Variants in ACTMAP observed in about 807,000 individuals in gnomAD.
ACTMAP encodes the protein UPF0692 protein C19orf54.
chr19:40,745,256 G>T, the ACTMAP span: 1 of 1,526,322 alleles, frequency 6.6e-7, no homozygotes, highest in Non-Finnish European at 8.9e-7. Flanking sequence ...CCCCTACCCT[G>T]AGGTCTGGCT....
At chr19:40,749,334 C>T in the ACTMAP span, 10 of 808,430 alleles carry the variant, frequency 1.2e-5, no homozygotes, top group African/African-American at 8.9e-5. Context: ...TTGCTGGAGG[C>T]ACACCACCAT....
chr19:40,742,046 C>T, the ACTMAP span: 156 of 477,938 alleles, frequency 3.3e-4, no homozygotes, highest in African/African-American at 2.6e-3. Flanking sequence ...GCCAGTATGA[C>T]TAGTAGGTGG....
the ACTMAP span, chr19:40,750,056 TGGTACCGGTTG>T: frequency 2.5e-6 from 1 of 397,676 alleles, no homozygotes; most frequent in East Asian, 4.2e-5. Flanking sequence ...ACCGGATCTG[TGGTACCGGTTG>T]GGTTACCTCG....
At chr19:40,742,816 C>T in the ACTMAP span, 22 of 1,537,230 alleles carry the variant, frequency 1.4e-5, no homozygotes, top group African/African-American at 2.7e-5. Flanking sequence ...TGAGCCAGGA[C>T]CAGGTGCTGG....
the ACTMAP span, chr19:40,742,474 C>A: frequency 6.8e-7 from 1 of 1,475,948 alleles, no homozygotes; most frequent in Non-Finnish European, 9.0e-7. Flanking sequence ...AGGGCCTGGC[C>A]ACAGAGGCCA....
the ACTMAP span, among the ~76,000 whole-genome samples, chr19:40,748,184 C>T: frequency 3.3e-5 from 5 of 152,082 alleles, no homozygotes; most frequent in East Asian, 1.9e-4. Flanking sequence ...TGTCCGGAGG[C>T]CAGGCCCAGT....
At chr19:40,744,776 G>T in the ACTMAP span, 1 of 1,465,886 alleles carries the variant, frequency 6.8e-7, no homozygotes. Flanking sequence ...CCCTGGAGGA[G>T]TCCCCCTCCC....
At chr19:40,749,093 C>T in the ACTMAP span, among the ~76,000 whole-genome samples, 3 of 149,870 alleles carry the variant, frequency 2.0e-5, no homozygotes, top group Admixed American at 1.4e-4. Context: ...AGGGTTCAAG[C>T]GATTCTCCCG....
the ACTMAP span, chr19:40,741,650 A>G: frequency 2.2e-6 from 1 of 446,980 alleles, no homozygotes; most frequent in Non-Finnish European, 4.5e-6. Context: ...GGGAGCCAGG[A>G]GACAGCCTGG....
chr19:40,747,829 G>A, the ACTMAP span, among the ~76,000 whole-genome samples: 1 of 152,130 alleles, frequency 6.6e-6, no homozygotes, highest in Non-Finnish European at 1.5e-5. Context: ...TCCAGCTACT[G>A]CATTCCATCC....
At chr19:40,744,671 C>T in the ACTMAP span, 2 of 1,610,426 alleles carry the variant, frequency 1.2e-6, no homozygotes, top group Non-Finnish European at 1.7e-6. Context: ...TCCACAAGGC[C>T]ACCAGCCCGC....
At chr19:40,744,088 G>A in the ACTMAP span, 11 of 1,613,916 alleles carry the variant, frequency 6.8e-6, no homozygotes, top group Non-Finnish European at 9.3e-6. Context: ...GGGATGTCCA[G>A]TGACCAGGTG....
At chr19:40,749,858 T>G in the ACTMAP span, 8 of 1,234,390 alleles carry the variant, frequency 6.5e-6, no homozygotes, top group Admixed American at 3.4e-5. Context: ...GGAAGGATCC[T>G]CCAACGGAGA....
chr19:40,741,065 G>T, the ACTMAP span: 1 of 398,824 alleles, frequency 2.5e-6, no homozygotes, highest in East Asian at 3.6e-5. Flanking sequence ...CCAAGCCCTG[G>T]CTGGGATGGG....
the ACTMAP span, chr19:40,749,568 T>C: frequency 6.4e-7 from 1 of 1,551,376 alleles, no homozygotes; most frequent in Non-Finnish European, 8.7e-7. Flanking sequence ...CTTCAGGAGC[T>C]GGCTCTTCTC....
the ACTMAP span, chr19:40,744,921 G>T: frequency 1.3e-6 from 1 of 795,524 alleles, no homozygotes; most frequent in South Asian, 1.7e-5. Flanking sequence ...TAGAGAGATG[G>T]ACCAGGCTCA....
the ACTMAP span, among the ~76,000 whole-genome samples, chr19:40,746,405 G>C: frequency 6.7e-6 from 1 of 149,734 alleles, no homozygotes. Flanking sequence ...TTTTGTTTTT[G>C]TTTTTTTTTG....
the ACTMAP span, chr19:40,745,300 T>C: frequency 1.7e-6 from 2 of 1,166,858 alleles, no homozygotes; most frequent in Non-Finnish European, 2.5e-6. Flanking sequence ...ATGAAGGGAA[T>C]ATGGGCCTGG....
the ACTMAP span, chr19:40,744,807 A>G: frequency 7.2e-7 from 1 of 1,381,620 alleles, no homozygotes; most frequent in Middle Eastern, 2.0e-4. Context: ...CCAGCGAGGG[A>G]GACCTGACTC....
Sources: allele counts gnomAD v4.1 joint callset (sites outside exome capture counted in the v4.1 genomes callset), GRCh38; gene constraint gnomAD v4.1.1; transcripts MANE v1.5; gene names NCBI Gene and HGNC (gene_info 2026-07-23, HGNC 2026-07-21).